Variants in KCTD19 observed in about 807,000 individuals in gnomAD.
The protein encoded by KCTD19 is BTB/POZ domain-containing protein KCTD19.
Under a neutral mutation model 103.5 loss-of-function variants are expected in KCTD19, and 67 were observed. The ratio of observed to expected loss-of-function variants is 0.65; its 90% CI spans 0.53 to 0.79. The LOEUF (loss-of-function observed/expected upper bound fraction) is 0.79, where lower values mean the gene tolerates loss of function less well. KCTD19 is among the 30% of genes least tolerant of loss of function. The pLI is 0.00. For synonymous variants in KCTD19, 439 were observed against 452.2 expected (o/e 0.97, Z 0.37); for missense variants, 980 against 1,136.1 (o/e 0.86, Z 1.98).
chr16:67,320,661 G>C lies in KCTD19; in HGVS notation c.228C>G (p.Ser76=), dbSNP rs1220775572. ...VHYYLYTSKL[S]FSSCAELNLL... ...AGTTCAGTTCTGCACAACTGGAGAA[G>C]GAGAGTTTGGAGGTGTAGAGGTAAT... Residue 76 remains serine (S), a synonymous_variant, in exon 2 of 16, where the codon TCC becomes TCG. Transcript: ENST00000304372. This position sits in a 1 kb window ranked among gnomAD's most constrained non-coding sequence, Gnocchi z 4.0. 6.2e-7 allele frequency: 1 copy of C among 1,614,216 alleles called. No individual in the cohort carries two copies. Among genetic ancestry groups the C allele is most frequent in the Admixed American group, 1.7e-5 (1 of 60,022 alleles).
At chr16:67,297,709 C>T in intron 6 of KCTD19, 46 bp from the exon 7 acceptor site, 2 of 1,580,216 alleles carry the variant, frequency 1.3e-6, no homozygotes, top group Admixed American at 1.7e-5. Context: ...GCATTGTACC[C>T]CAAGAGAGTC....
At chr16:67,311,476 T>C (rs997764163) in intron 2 of KCTD19, among the ~76,000 whole-genome samples, 3 of 152,004 alleles carry the variant, frequency 2.0e-5, no homozygotes, top group Non-Finnish European at 4.4e-5. Flanking sequence ...CTAATTTTTG[T>C]AGTTTTAGTA....
intron 2 of KCTD19, among the ~76,000 whole-genome samples, chr16:67,319,370 C>T (rs1382776914): frequency 1.3e-5 from 2 of 152,114 alleles, no homozygotes; most frequent in Admixed American, 1.3e-4. Context: ...CATGATCTAT[C>T]TCAATTTTCT....
Position 67,293,575 on chromosome 16 carries a change from C to T in KCTD19, c.2187G>A (p.Lys729=). Residue 729 remains lysine (K), a synonymous_variant, in exon 12 of 16, where the codon AAG becomes AAA. Transcript: ENST00000304372. This position sits in a 1 kb window ranked among gnomAD's most constrained non-coding sequence, Gnocchi z 4.0. ...CCTTGGTCCTCTGCTTGCTCCAGTC[C>T]TTCAGGGTGCCAGCTCTTTTTGGGG... ...YLPPKRAGTL[K]DWSKQRTKER... 6.2e-7 allele frequency: 1 copy of T among 1,614,098 alleles called. No individual in the cohort carries two copies. The highest frequency in any genetic ancestry group is 2.2e-5 in the East Asian group (1 of 44,860).
intron 2 of KCTD19, among the ~76,000 whole-genome samples, chr16:67,312,145 G>A (rs773521575): frequency 6.6e-6 from 1 of 152,186 alleles, no homozygotes; most frequent in Non-Finnish European, 1.5e-5. Context: ...TCCCCAGAAG[G>A]TGTGAAAAAG....
Position 67,316,070 on chromosome 16 carries a change from C to T in KCTD19, c.300+4519G>A, listed in dbSNP as rs550792805. ...TTATTTAAGTATTTATTGACAAGGT[C>T]TAGCTCTGTCACCCTGGCCGAAGTG... On this transcript the variant is annotated intron_variant, in intron 2 of 15. Transcript: ENST00000304372. Among the ~76,000 whole-genome samples, 5 of 152,304 alleles carry T rather than the reference C, an allele frequency of 3.3e-5. No homozygotes were observed. In the South Asian group the frequency reaches 1.0e-3, roughly 32 times the overall value.
chr16:67,315,504 CAG>C (rs1273646343), intron 2 of KCTD19, among the ~76,000 whole-genome samples: 2 of 151,364 alleles, frequency 1.3e-5, no homozygotes, highest in Non-Finnish European at 3.0e-5. Flanking sequence ...TTTTTTGAGA[CAG>C]AGTCTTGCTC....
chr16:67,295,146 T>C, intron 9 of KCTD19, 90 bp from the exon 10 acceptor site: 1 of 1,563,980 alleles, frequency 6.4e-7, no homozygotes. Context: ...TGCCAACAGT[T>C]CCCACGATGG....
chr16:67,310,825 T>C (rs1357366463), intron 2 of KCTD19, among the ~76,000 whole-genome samples: 1 of 152,206 alleles, frequency 6.6e-6, no homozygotes, highest in Non-Finnish European at 1.5e-5. Context: ...TAAAGGAGCT[T>C]GGGGGAACTT....
At chr16:67,298,089 G>T (rs1753612584) in intron 6 of KCTD19, among the ~76,000 whole-genome samples, 1 of 151,190 alleles carries the variant, frequency 6.6e-6, no homozygotes, top group Admixed American at 6.6e-5. Flanking sequence ...CGCCTCCAGG[G>T]TTCATGCCAT....
At chr16:67,314,105 C>T (rs1201713970) in intron 2 of KCTD19, among the ~76,000 whole-genome samples, 1 of 151,964 alleles carries the variant, frequency 6.6e-6, no homozygotes, top group East Asian at 1.9e-4. Flanking sequence ...GATCTTCCCA[C>T]CTCAGCATCC....
At position 67,294,955 on chromosome 16, in the gene KCTD19, G is replaced by T; in HGVS notation, c.1475+18C>A. 1 of 1,578,312 alleles carries T rather than the reference G, an allele frequency of 6.3e-7. No individual in the cohort carries two copies. The highest frequency in any genetic ancestry group is 1.1e-5 in the South Asian group (1 of 90,312). On this transcript the variant is annotated intron_variant, in intron 10 of 15. Transcript: ENST00000304372. Reference sequence around the variant, plus strand: ...AGGACCAAATTCTAAACATAGAGTCGTGATAAAGTTTTCTTACTTGTATGC... The same window carrying T: ...AGGACCAAATTCTAAACATAGAGTCTTGATAAAGTTTTCTTACTTGTATGC...
intron 2 of KCTD19, among the ~76,000 whole-genome samples, chr16:67,309,855 A>G (rs16957311): frequency 0.023 from 3,433 of 152,270 alleles, 38 homozygotes; most frequent in Non-Finnish European, 0.027. Flanking sequence ...AGAATGATCT[A>G]TTTTGCAGAA....
chr16:67,324,514 A>G (rs2037109003), intron 1 of KCTD19, among the ~76,000 whole-genome samples: 1 of 152,218 alleles, frequency 6.6e-6, no homozygotes, highest in South Asian at 2.1e-4. Flanking sequence ...ATATGAGCAA[A>G]ATGTTGATTG....
chr16:67,296,309 A>G (rs753809346), intron 7 of KCTD19, 50 bp from the exon 8 acceptor site: 1 of 1,158,322 alleles, frequency 8.6e-7, no homozygotes, highest in Admixed American at 1.7e-5. Flanking sequence ...CAGAAGGGAA[A>G]GCAGGTAGGG....
At chr16:67,321,845 TTGAC>T (rs746898600) in intron 1 of KCTD19, 7 of 152,458 alleles carry the variant, frequency 4.6e-5, no homozygotes, top group South Asian at 2.1e-4. Context: ...GTCGTCCTCT[TTGAC>T]TGAGCACGCA....
chr16:67,295,575 G>A (rs1477726573), intron 8 of KCTD19, 170 bp from the exon 9 acceptor site: 1 of 609,590 alleles, frequency 1.6e-6, no homozygotes, highest in Admixed American at 3.3e-5. Context: ...GAGCTTCCAG[G>A]GAGAAGCACA....
chr16:67,312,926 A>C (rs1161413815), intron 2 of KCTD19, among the ~76,000 whole-genome samples: 2 of 152,170 alleles, frequency 1.3e-5, no homozygotes, highest in Admixed American at 1.3e-4. Flanking sequence ...GCCAGGGGTC[A>C]GCAAGTTTTT....
intron 2 of KCTD19, among the ~76,000 whole-genome samples, chr16:67,318,932 G>T (rs887119927): frequency 6.6e-6 from 1 of 152,070 alleles, no homozygotes; most frequent in Non-Finnish European, 1.5e-5. Context: ...AGTATATTAA[G>T]AATTTTTAGG....
Sources: allele counts gnomAD v4.1 joint callset (sites outside exome capture counted in the v4.1 genomes callset), GRCh38; gene constraint gnomAD v4.1.1; non-coding constraint Gnocchi (gnomAD v3.1); transcripts MANE v1.5; gene names NCBI Gene and HGNC (gene_info 2026-07-23, HGNC 2026-07-21).